Variants in KCNN2 observed in about 807,000 individuals in gnomAD.
The protein encoded by KCNN2 is small conductance calcium-activated potassium channel protein 2.
In KCNN2, 24 loss-of-function variants were observed where a neutral mutation model predicts 55.5. The observed-to-expected ratio is 0.43, with a 90% CI of 0.31 to 0.61. The LOEUF (loss-of-function observed/expected upper bound fraction) is 0.61, where lower values mean the gene tolerates loss of function less well. Among genes scored for constraint, KCNN2 ranks in the 20% least tolerant of loss-of-function variants. KCNN2 has a pLI of 0.08. For synonymous variants in KCNN2, 431 were observed against 336.1 expected, an observed-to-expected ratio of 1.28 and a Z score of -3.09; for missense variants, 754 against 853.6, an observed-to-expected ratio of 0.88 and a Z score of 1.45.
At chr5:114,069,380 C>G (rs186041267) in intron 1 of KCNN2, among the ~76,000 whole-genome samples, 1 of 152,090 alleles carries the variant, frequency 6.6e-6, no homozygotes, top group Non-Finnish European at 1.5e-5. Context: ...TAATGGAGAA[C>G]TAATGATTTT....
chr5:114,329,390 C>G (rs931655727), intron 2 of KCNN2, among the ~76,000 whole-genome samples: 1 of 152,186 alleles, frequency 6.6e-6, no homozygotes, highest in African/African-American at 2.4e-5. Context: ...GCTGCCAGTG[C>G]GGCTAGAATA....
chr5:114,163,826 A>T (rs897126050), intron 1 of KCNN2, among the ~76,000 whole-genome samples: 1 of 152,234 alleles, frequency 6.6e-6, no homozygotes, highest in African/African-American at 2.4e-5. Context: ...CTTAACATAC[A>T]TAAGTAGCCA....
At chr5:114,475,991 T>C (rs1187295407) in intron 5 of KCNN2, among the ~76,000 whole-genome samples, 1 of 152,218 alleles carries the variant, frequency 6.6e-6, no homozygotes, top group Non-Finnish European at 1.5e-5. Context: ...TTTTACATTT[T>C]ATATAATACT....
chr5:114,374,140 C>T (rs1004897954), intron 2 of KCNN2, among the ~76,000 whole-genome samples: 1 of 152,072 alleles, frequency 6.6e-6, no homozygotes. Flanking sequence ...ATGGATGTGG[C>T]TTCATCCTGG....
chr5:114,424,996 G>A (rs1759577466), intron 3 of KCNN2, among the ~76,000 whole-genome samples: 1 of 152,114 alleles, frequency 6.6e-6, no homozygotes, highest in African/African-American at 2.4e-5. Context: ...AAGAAGAAAG[G>A]ACAAATACGT....
At chr5:114,220,242 T>A (rs1754103940) in intron 1 of KCNN2, among the ~76,000 whole-genome samples, 1 of 152,176 alleles carries the variant, frequency 6.6e-6, no homozygotes. Flanking sequence ...AACTTCTAAT[T>A]AAAATGGTAT....
chr5:114,309,766 G>A (rs1020547684), intron 2 of KCNN2, among the ~76,000 whole-genome samples: 4 of 152,152 alleles, frequency 2.6e-5, no homozygotes, highest in African/African-American at 9.7e-5. Context: ...GAATGCCATA[G>A]TGGAGTGCAA....
intron 3 of KCNN2, among the ~76,000 whole-genome samples, chr5:114,420,009 A>C (rs1368163573): frequency 6.6e-6 from 1 of 152,214 alleles, no homozygotes; most frequent in Non-Finnish European, 1.5e-5. Flanking sequence ...AAACAAAGCT[A>C]CCTTCTCCAT....
intron 2 of KCNN2, among the ~76,000 whole-genome samples, chr5:114,379,242 TC>T (rs1758029059): frequency 6.6e-6 from 1 of 151,872 alleles, no homozygotes; most frequent in Admixed American, 6.6e-5. Context: ...CTTCTGCCCA[TC>T]TCCCCACACA....
chr5:114,063,990 C>G (rs1386259768), intron 1 of KCNN2, among the ~76,000 whole-genome samples: 1 of 152,162 alleles, frequency 6.6e-6, no homozygotes, highest in Non-Finnish European at 1.5e-5. Context: ...AATCTCTTTT[C>G]TCACAACTTA....
Position 114,409,568 on chromosome 5 carries a change from T to G in KCNN2, c.1637+4712T>G, listed in dbSNP as rs142411544. Among the ~76,000 whole-genome samples, 404 of 152,324 alleles carry G rather than the reference T, an allele frequency of 2.7e-3. 2 individuals are homozygous for G. Among genetic ancestry groups the G allele is most frequent in the African/African-American group, 9.4e-3 (389 of 41,584 alleles). The stretch of plus-strand genomic sequence containing the variant: ...TCCTCTCCATGTAAAAAGGGGAGAT[T>G]CACATCTGATAGAAATTTTTATTTT... On this transcript the variant is annotated intron_variant, in intron 3 of 7. Transcript: ENST00000673685.
rs78276504 is a variant in KCNN2 at position 114,084,805 on chromosome 5, A to G, written c.-271+28305A>G. 8.7e-3 allele frequency among the ~76,000 whole-genome samples: 1,327 copies of G among 152,040 alleles called. 19 individuals are homozygous for G. The highest frequency in any genetic ancestry group is 0.03 in the African/African-American group (1,258 of 41,516). On this transcript the variant is annotated intron_variant, in intron 1 of 10. Coordinates refer to the KCNN2 transcript ENST00000512097. ...AAATTTTACGGTTTTTGGTTTTACA[A>G]CTAGGTCTATGATTCAATTTTGAGT...
intron 1 of KCNN2, among the ~76,000 whole-genome samples, chr5:114,070,476 C>G (rs1486544847): frequency 6.6e-6 from 1 of 152,206 alleles, no homozygotes; most frequent in African/African-American, 2.4e-5. Context: ...GTCCACACAT[C>G]TCCTCTGAAA....
chr5:114,094,160 G>C (rs991917644), intron 1 of KCNN2, among the ~76,000 whole-genome samples: 14 of 152,096 alleles, frequency 9.2e-5, no homozygotes, highest in Admixed American at 3.3e-4. Flanking sequence ...AGAGTTTGCT[G>C]TCTGACTGTG....
At chr5:114,066,258 C>T (rs1450725576) in intron 1 of KCNN2, among the ~76,000 whole-genome samples, 1 of 152,158 alleles carries the variant, frequency 6.6e-6, no homozygotes, top group Non-Finnish European at 1.5e-5. Flanking sequence ...CTTTGTCTTT[C>T]TTTTGTTTAT....
rs1015532142 is a variant in KCNN2 at position 114,120,375 on chromosome 5, G to A, written c.-271+63875G>A. Among the ~76,000 whole-genome samples the A allele has an allele frequency of 2.0e-5, 3 of 152,088 alleles. 1 individual carries two copies. The South Asian group carries it at 6.2e-4, about 32-fold the overall frequency. The stretch of plus-strand genomic sequence containing the variant: ...GCCAATTTGTTTATCCCATCACTGG[G>A]GTCAGCGCTGAGGATCTTATTTCAG... On this transcript the variant is annotated intron_variant, in intron 1 of 10. Coordinates refer to the KCNN2 transcript ENST00000512097.
chr5:114,453,748 T>C (rs1760796818), intron 3 of KCNN2, among the ~76,000 whole-genome samples: 1 of 152,206 alleles, frequency 6.6e-6, no homozygotes, highest in African/African-American at 2.4e-5. Context: ...GCATTACGGT[T>C]ACTTTTTCAT....
At chr5:114,155,149 TGTTCC>T (rs1752604378) in intron 1 of KCNN2, among the ~76,000 whole-genome samples, 1 of 151,894 alleles carries the variant, frequency 6.6e-6, no homozygotes, top group East Asian at 2.1e-4. Flanking sequence ...TTTGGTTTTC[TGTTCC>T]TGTGTTATTT....
chr5:114,215,354 A>T (rs1206026554), intron 1 of KCNN2, among the ~76,000 whole-genome samples: 2 of 152,154 alleles, frequency 1.3e-5, no homozygotes, highest in Admixed American at 6.6e-5. Context: ...GCTTTATAGT[A>T]AGCTGGGAGT....
Sources: gnomAD v4.1 joint callset for allele counts (sites outside exome capture counted in the v4.1 genomes callset) on GRCh38, gnomAD v4.1.1 for gene constraint, MANE v1.5 for transcripts, NCBI Gene and HGNC (gene_info 2026-07-23, HGNC 2026-07-21) for gene names.